PTPRD: variants seen among roughly 807,000 people sequenced by gnomAD.
PTPRD encodes the protein protein tyrosine phosphatase receptor type D, also known as receptor-type tyrosine-protein phosphatase delta.
In PTPRD, 34 loss-of-function variants were observed where a neutral mutation model predicts 214.5. The ratio of observed to expected loss-of-function variants is 0.16; its 90% CI spans 0.12 to 0.21. The LOEUF is 0.21. Ranked by LOEUF, PTPRD falls within the 10% of genes least tolerant of loss-of-function variation. PTPRD has a pLI of 1.00. For synonymous variants in PTPRD, 1,128 were observed against 845.7 expected, an observed-to-expected ratio of 1.33 and a Z score of -5.79; for missense variants, 2,545 against 2,398.7, an observed-to-expected ratio of 1.06 and a Z score of -1.27.
chr9:9,668,644 A>G (rs1354802424), intron 7 of PTPRD, among the ~76,000 whole-genome samples: 1 of 152,152 alleles, frequency 6.6e-6, no homozygotes, highest in Non-Finnish European at 1.5e-5. Context: ...CTTAAGCCAT[A>G]AACTTGCCCC....
chr9:9,452,531 G>A (rs10123347), intron 8 of PTPRD, among the ~76,000 whole-genome samples: 127,936 of 150,994 alleles, frequency 0.85, 54,313 homozygotes, highest in Middle Eastern at 0.94. Flanking sequence ...TAAATAAGAA[G>A]TAAAGAAAAA....
chr9:10,169,936 A>G (rs2099190163), intron 3 of PTPRD, among the ~76,000 whole-genome samples: 1 of 152,224 alleles, frequency 6.6e-6, no homozygotes, highest in South Asian at 2.1e-4. Flanking sequence ...GCTATAATAA[A>G]TATATTCAAA....
At chr9:8,693,922 G>C (rs553655370) in intron 12 of PTPRD, among the ~76,000 whole-genome samples, 1 of 152,326 alleles carries the variant, frequency 6.6e-6, no homozygotes, top group Non-Finnish European at 1.5e-5. Context: ...CTAAATGCTA[G>C]ATTGAGAAGC....
intron 2 of PTPRD, among the ~76,000 whole-genome samples, chr9:10,483,117 A>C (rs935593643): frequency 6.6e-6 from 1 of 152,200 alleles, no homozygotes; most frequent in African/African-American, 2.4e-5. Flanking sequence ...TAGAGAATCC[A>C]GAAATAAACT....
At chr9:8,641,610 G>C (rs2096577665) in intron 12 of PTPRD, among the ~76,000 whole-genome samples, 1 of 133,422 alleles carries the variant, frequency 7.5e-6, no homozygotes, top group African/African-American at 4.1e-5. Flanking sequence ...CGTCACAACA[G>C]AGACATGGCC....
At chr9:8,617,178 A>C (rs1052202226) in intron 14 of PTPRD, among the ~76,000 whole-genome samples, 7 of 152,092 alleles carry the variant, frequency 4.6e-5, no homozygotes, top group Non-Finnish European at 7.4e-5. Flanking sequence ...AAGGGATGTG[A>C]AGTAAATCAA....
chr9:9,663,334 A>C (rs1436482081), intron 7 of PTPRD, among the ~76,000 whole-genome samples: 4 of 151,504 alleles, frequency 2.6e-5, no homozygotes, highest in Non-Finnish European at 5.9e-5. Context: ...ATATGAAATC[A>C]CTAGTTATAT....
At chr9:10,060,152 A>AG (rs2097731782) in intron 3 of PTPRD, among the ~76,000 whole-genome samples, 1 of 152,178 alleles carries the variant, frequency 6.6e-6, no homozygotes, top group East Asian at 1.9e-4. Flanking sequence ...AAAACCTCCT[A>AG]AAGTGGCCTT....
At chr9:8,567,780 C>A (rs2089845147) in intron 14 of PTPRD, among the ~76,000 whole-genome samples, 1 of 152,096 alleles carries the variant, frequency 6.6e-6, no homozygotes, top group Admixed American at 6.5e-5. Flanking sequence ...AGTCTTATTT[C>A]TCTCTCTTAC....
intron 9 of PTPRD, among the ~76,000 whole-genome samples, chr9:9,338,303 T>C (rs1595999350): frequency 6.6e-6 from 1 of 152,306 alleles, no homozygotes; most frequent in East Asian, 1.9e-4. Flanking sequence ...TTCTTAAGAA[T>C]ATGTGGTACC....
intron 7 of PTPRD, among the ~76,000 whole-genome samples, chr9:9,664,692 T>G (rs1469369996): frequency 6.6e-6 from 1 of 151,674 alleles, no homozygotes; most frequent in Admixed American, 6.6e-5. Context: ...ATCACTGGAT[T>G]ACTGTTAAAG....
At chr9:9,566,176 C>T (rs573341308) in intron 8 of PTPRD, among the ~76,000 whole-genome samples, 10 of 151,908 alleles carry the variant, frequency 6.6e-5, no homozygotes, top group African/African-American at 9.6e-5. Flanking sequence ...TACATTTATA[C>T]GTGGACAACA....
At chr9:8,850,411 C>G (rs1269946119) in intron 11 of PTPRD, among the ~76,000 whole-genome samples, 1 of 151,946 alleles carries the variant, frequency 6.6e-6, no homozygotes, top group African/African-American at 2.4e-5. Flanking sequence ...CAAATGGAGA[C>G]AGAGTTCCAT....
chr9:9,640,923 A>G (rs2095921358), intron 7 of PTPRD, among the ~76,000 whole-genome samples: 1 of 152,242 alleles, frequency 6.6e-6, no homozygotes, highest in African/African-American at 2.4e-5. Flanking sequence ...AAATTGAATG[A>G]TCTGGTCAGA....
chr9:8,845,747 T>C (rs2097681448), intron 11 of PTPRD, among the ~76,000 whole-genome samples: 2 of 152,238 alleles, frequency 1.3e-5, no homozygotes, highest in African/African-American at 4.8e-5. Context: ...AAAAAGTGTG[T>C]GCTTCACCAG....
chr9:9,259,267 G>C (rs2099979062), intron 9 of PTPRD, among the ~76,000 whole-genome samples: 2 of 151,886 alleles, frequency 1.3e-5, no homozygotes, highest in Admixed American at 1.3e-4. Context: ...ATGTGAGAAA[G>C]AGAAAGACCC....
intron 5 of PTPRD, among the ~76,000 whole-genome samples, chr9:9,808,390 T>C (rs2046096301): frequency 6.6e-6 from 1 of 152,164 alleles, no homozygotes; most frequent in African/African-American, 2.4e-5. Flanking sequence ...CTCCTTTCCA[T>C]AGAAATGAAA....
intron 14 of PTPRD, among the ~76,000 whole-genome samples, chr9:8,582,874 A>G (rs1197203731): frequency 6.6e-6 from 1 of 152,188 alleles, no homozygotes; most frequent in Non-Finnish European, 1.5e-5. Flanking sequence ...TTAATTCAGC[A>G]ATTGGATGTT....
chr9:10,284,017 T>A (rs2095253369), intron 3 of PTPRD, among the ~76,000 whole-genome samples: 1 of 152,144 alleles, frequency 6.6e-6, no homozygotes, highest in African/African-American at 2.4e-5. Context: ...TGCTCTTATT[T>A]CTTAATTGAA....
Sources: allele counts gnomAD v4.1 joint callset (sites outside exome capture counted in the v4.1 genomes callset), GRCh38; gene constraint gnomAD v4.1.1; transcripts MANE v1.5; gene names NCBI Gene and HGNC (gene_info 2026-07-23, HGNC 2026-07-21).